TRPM3: variants seen among roughly 807,000 people sequenced by gnomAD.
TRPM3 encodes the protein transient receptor potential cation channel subfamily M member 3.
TRPM3 carries 77 observed loss-of-function variants against 181.2 expected under a neutral mutation model. The observed-to-expected ratio is 0.42, with a 90% CI of 0.35 to 0.51. The LOEUF (loss-of-function observed/expected upper bound fraction) is 0.51. Ranked by LOEUF, TRPM3 falls within the 20% of genes least tolerant of loss-of-function variation. TRPM3 has a pLI of 0.01. For missense variants in TRPM3, 1,759 were observed against 2,196.7 expected (o/e 0.80, Z 3.98); for synonymous variants, 745 against 796.4 (o/e 0.94, Z 1.09).
chr9:70,535,273 C>G lies in TRPM3; in HGVS notation c.*680G>C. The G allele has an allele frequency of 1.2e-6, 1 of 801,714 alleles. No homozygotes were observed. The highest frequency in any genetic ancestry group is 1.9e-5 in the South Asian group (1 of 51,378). The allele number at this position is 801,714 out of a possible 1,614,324, so 49.7% of individuals were successfully genotyped here. A position where few individuals can be genotyped will look rare whatever the true frequency, so the allele number is the denominator to read the frequency against. On this transcript the variant is annotated 3_prime_UTR_variant, in exon 26 of 26. Transcript: ENST00000677713. ...AAAGGCATTTCTGTTCCCTTATTTT[C>G]TTCAAAAAAGGATAAACAGTTGTGG...
At chr9:70,803,459 T>G (rs2089831432) in intron 6 of TRPM3, among the ~76,000 whole-genome samples, 1 of 149,216 alleles carries the variant, frequency 6.7e-6, no homozygotes, top group Non-Finnish European at 1.5e-5. Context: ...TTGTTTTTTT[T>G]TTTTTTTTTT....
chr9:70,647,797 T>A (rs1179931065), intron 9 of TRPM3, among the ~76,000 whole-genome samples: 1 of 152,220 alleles, frequency 6.6e-6, no homozygotes, highest in Non-Finnish European at 1.5e-5. Context: ...GAAAATCCCA[T>A]GGTCTATGCC....
intron 6 of TRPM3, chr9:70,826,765 A>G (rs952690762): frequency 4.6e-5 from 7 of 152,244 alleles, no homozygotes; most frequent in African/African-American, 1.2e-4. Flanking sequence ...GTTCTTTGGA[A>G]CTGTAGACTT....
chr9:70,619,879 T>C (rs745480133), intron 16 of TRPM3, among the ~76,000 whole-genome samples, 197 bp downstream of exon 16: 2 of 152,128 alleles, frequency 1.3e-5, no homozygotes, highest in Non-Finnish European at 2.9e-5. Context: ...CAGGATGAAA[T>C]GTTCCATGTT....
chr9:71,022,338 C>T (rs976339055), intron 1 of TRPM3, among the ~76,000 whole-genome samples: 1 of 152,034 alleles, frequency 6.6e-6, no homozygotes, highest in Non-Finnish European at 1.5e-5. Flanking sequence ...AATAGGACAT[C>T]CATAAGAAAA....
chr9:70,822,185 T>G (rs2093232658), intron 6 of TRPM3, among the ~76,000 whole-genome samples: 1 of 152,236 alleles, frequency 6.6e-6, no homozygotes, highest in Non-Finnish European at 1.5e-5. Flanking sequence ...TTTCCTCCTG[T>G]TCTTCATTTG....
At chr9:71,014,161 T>G (rs2097766764) in intron 1 of TRPM3, among the ~76,000 whole-genome samples, 1 of 152,036 alleles carries the variant, frequency 6.6e-6, no homozygotes, top group Admixed American at 6.5e-5. Context: ...AATTTTGGTT[T>G]ATAATTATTA....
intron 22 of TRPM3, among the ~76,000 whole-genome samples, chr9:70,575,560 G>A (rs971739487): frequency 2.6e-5 from 4 of 151,832 alleles, no homozygotes; most frequent in Non-Finnish European, 5.9e-5. Context: ...GCACATTTTA[G>A]CTTCATCAAA....
chr9:71,079,312 A>G (rs1331552023), intron 1 of TRPM3, among the ~76,000 whole-genome samples: 1 of 152,216 alleles, frequency 6.6e-6, no homozygotes, highest in African/African-American at 2.4e-5. Flanking sequence ...GTTGCAGTTT[A>G]GAGTGAAGGA....
At chr9:70,945,091 A>G (rs1275882605) in intron 1 of TRPM3, among the ~76,000 whole-genome samples, 1 of 152,208 alleles carries the variant, frequency 6.6e-6, no homozygotes, top group African/African-American at 2.4e-5. Flanking sequence ...GGGCATAGGT[A>G]GGTTTTCAAA....
At chr9:70,924,491 T>C (rs1218858816) in intron 1 of TRPM3, among the ~76,000 whole-genome samples, 3 of 152,196 alleles carry the variant, frequency 2.0e-5, no homozygotes, top group Non-Finnish European at 4.4e-5. Flanking sequence ...TTAAATAATG[T>C]TGGTATGAAC....
At chr9:71,419,656 TG>T (rs1482020276) in intron 1 of TRPM3, among the ~76,000 whole-genome samples, 1 of 152,004 alleles carries the variant, frequency 6.6e-6, no homozygotes, top group African/African-American at 2.4e-5. Flanking sequence ...TTAGAAGTTC[TG>T]ATACAATAAT....
At chr9:71,322,665 C>G (rs2089339897) in intron 1 of TRPM3, among the ~76,000 whole-genome samples, 1 of 152,002 alleles carries the variant, frequency 6.6e-6, no homozygotes, top group South Asian at 2.1e-4. Context: ...AACAAAAAAT[C>G]CCTATATGAG....
intron 1 of TRPM3, among the ~76,000 whole-genome samples, chr9:71,014,389 T>C (rs993913174): frequency 2.0e-5 from 3 of 152,220 alleles, no homozygotes; most frequent in Admixed American, 6.5e-5. Flanking sequence ...AACTTTGATA[T>C]ACAAAAAAAT....
intron 8 of TRPM3, among the ~76,000 whole-genome samples, chr9:70,737,456 C>T (rs1465623084): frequency 5.2e-5 from 1 of 19,060 alleles, no homozygotes; most frequent in African/African-American, 1.7e-4. Context: ...CTGAAAACAA[C>T]AAGAACAACA....
At chr9:71,292,354 A>G (rs2085888078) in intron 1 of TRPM3, among the ~76,000 whole-genome samples, 1 of 152,020 alleles carries the variant, frequency 6.6e-6, no homozygotes, top group Admixed American at 6.6e-5. Flanking sequence ...GAAAACAGAA[A>G]AGAAGATGTG....
intron 1 of TRPM3, among the ~76,000 whole-genome samples, chr9:70,928,640 G>A (rs1485863460): frequency 4.6e-5 from 7 of 152,112 alleles, no homozygotes; most frequent in Admixed American, 2.6e-4. Flanking sequence ...GAACATTTTC[G>A]ACTGGATTCA....
In TRPM3 at chr9:71,440,341, T is replaced by C. The variant is rs368925911; in HGVS notation, c.183+6312A>G. 7.2e-5 allele frequency among the ~76,000 whole-genome samples: 11 copies of C among 152,284 alleles called. No homozygotes were observed. The East Asian group carries it at 7.7e-4, about 11-fold the overall frequency. On this transcript the variant is annotated intron_variant, in intron 1 of 24. Coordinates refer to the TRPM3 transcript ENST00000357533. ...GAGCCACCATACTGTACCATACAAA[T>C]ATTTGCACTTGCTGTCATTGTTGTT...
chr9:70,764,253 A>G (rs965575685), intron 7 of TRPM3, among the ~76,000 whole-genome samples: 4 of 152,190 alleles, frequency 2.6e-5, no homozygotes, highest in Non-Finnish European at 5.9e-5. Context: ...TCTACCTGAC[A>G]GGTAACCCAA....
Sources: allele counts gnomAD v4.1 joint callset (sites outside exome capture counted in the v4.1 genomes callset), GRCh38; gene constraint gnomAD v4.1.1; transcripts MANE v1.5; gene names NCBI Gene and HGNC (gene_info 2026-07-23, HGNC 2026-07-21).